PPP2R5E: variants seen among roughly 807,000 people sequenced by gnomAD.
PPP2R5E encodes serine/threonine-protein phosphatase 2A 56 kDa regulatory subunit epsilon isoform.
Under a neutral mutation model 65.3 loss-of-function variants are expected in PPP2R5E, and 4 were observed. That is an observed-to-expected ratio of 0.06 (90% CI 0.03 to 0.14). The LOEUF (loss-of-function observed/expected upper bound fraction) is 0.14. Among genes scored for constraint, PPP2R5E ranks in the 10% least tolerant of loss-of-function variants. PPP2R5E has a pLI of 1.00. For synonymous variants in PPP2R5E, 183 were observed against 187.4 expected (o/e 0.98, Z 0.19); for missense variants, 274 against 556.1 (o/e 0.49, Z 5.10).
chr14:63,538,813 C>T (rs1421570256), intron 2 of PPP2R5E, among the ~76,000 whole-genome samples: 3 of 151,570 alleles, frequency 2.0e-5, no homozygotes, highest in African/African-American at 7.3e-5. Flanking sequence ...GGCATGGTGG[C>T]GGGCACCTGT....
Position 63,530,336 on chromosome 14 carries a change from G to A in PPP2R5E, c.157+9193C>T, listed in dbSNP as rs545988952. Among the ~76,000 whole-genome samples, 302 of 145,632 alleles carry A rather than the reference G, an allele frequency of 2.1e-3. 1 individual carries two copies. The highest frequency in any genetic ancestry group is 2.8e-3 in the Non-Finnish European group (190 of 67,092). ...CAACCTCTGCCTCCCGGATTCAAGC[G>A]ATTCTCCTGCCTCAGCCTCCCGAGT... On this transcript the variant is annotated intron_variant, in intron 2 of 13. Transcript: ENST00000337537.
At chr14:63,522,539 G>A (rs1426529465) in intron 2 of PPP2R5E, among the ~76,000 whole-genome samples, 2 of 150,990 alleles carry the variant, frequency 1.3e-5, no homozygotes, top group Non-Finnish European at 3.0e-5. Context: ...AGGAAGTGAG[G>A]AGCGTCTCTG....
At chr14:63,453,938 G>C (rs1888988779) in intron 2 of PPP2R5E, 53 bp from the exon 3 acceptor site, 2 of 1,316,932 alleles carry the variant, frequency 1.5e-6, no homozygotes, top group Non-Finnish European at 1.0e-6. Flanking sequence ...CCAGGTAACA[G>C]GAATTCTCTG....
At chr14:63,534,714 G>A (rs945701612) in intron 2 of PPP2R5E, among the ~76,000 whole-genome samples, 1 of 152,108 alleles carries the variant, frequency 6.6e-6, no homozygotes, top group Admixed American at 6.6e-5. Flanking sequence ...CAGCCTCCTG[G>A]GCTCGGGCAA....
chr14:63,441,954 T>TA (rs1197713885), intron 3 of PPP2R5E, among the ~76,000 whole-genome samples: 7 of 151,398 alleles, frequency 4.6e-5, no homozygotes, highest in Non-Finnish European at 8.8e-5. Flanking sequence ...ATTTTGCAGT[T>TA]AACCTAAGAG....
At chr14:63,517,092 A>G (rs1462810059) in intron 2 of PPP2R5E, among the ~76,000 whole-genome samples, 1 of 152,228 alleles carries the variant, frequency 6.6e-6, no homozygotes, top group East Asian at 1.9e-4. Context: ...GAGGCAGAGA[A>G]CTGGTCAACT....
At chr14:63,453,487 G>A (rs375669394) in intron 3 of PPP2R5E, 14 of 425,206 alleles carry the variant, frequency 3.3e-5, no homozygotes, top group Non-Finnish European at 4.2e-5. Context: ...CAGCACTGTC[G>A]TAGTTAAAGT....
chr14:63,515,390 A>G (rs897017658), intron 2 of PPP2R5E, among the ~76,000 whole-genome samples: 2 of 152,254 alleles, frequency 1.3e-5, no homozygotes, highest in South Asian at 2.1e-4. Flanking sequence ...ATAACTTGGA[A>G]AACAATTCTG....
chr14:63,506,163 A>C (rs1892162919), intron 2 of PPP2R5E, among the ~76,000 whole-genome samples: 1 of 151,986 alleles, frequency 6.6e-6, no homozygotes, highest in African/African-American at 2.4e-5. Flanking sequence ...TAATAACAAA[A>C]AGATTGGCCG....
Position 63,375,318 on chromosome 14 carries a change from C to T in PPP2R5E, c.*691G>A, listed in dbSNP as rs998697574. ...TTCACCATAAACTGATGCATGAATC[C>T]GATATTCCCTTCCCTACTATGTTTA... On this transcript the variant is annotated 3_prime_UTR_variant, in exon 14 of 14. Coordinates refer to ENST00000337537, the MANE Select transcript of PPP2R5E (RefSeq NM_006246.5). The T allele has an allele frequency of 2.6e-5, 4 of 152,650 alleles. No individual in the cohort carries two copies. Among genetic ancestry groups the T allele is most frequent in the Non-Finnish European group, 5.9e-5 (4 of 67,982 alleles). 9.5% of individuals were successfully genotyped at this position (152,650 alleles called of 1,614,324 possible).
intron 4 of PPP2R5E, among the ~76,000 whole-genome samples, chr14:63,418,268 T>C (rs1425967827): frequency 2.0e-5 from 3 of 152,214 alleles, no homozygotes; most frequent in Non-Finnish European, 2.9e-5. Context: ...CCTCTTTCGA[T>C]TGCCACAAAG....
intron 2 of PPP2R5E, among the ~76,000 whole-genome samples, chr14:63,495,988 G>C (rs1891543991): frequency 6.6e-6 from 1 of 152,150 alleles, no homozygotes; most frequent in Non-Finnish European, 1.5e-5. Flanking sequence ...ACCATGCCCA[G>C]CCAAGCATAT....
chr14:63,401,663 TA>T (rs2139819061), intron 5 of PPP2R5E, among the ~76,000 whole-genome samples: 1 of 152,240 alleles, frequency 6.6e-6, no homozygotes, highest in Non-Finnish European at 1.5e-5. Flanking sequence ...GAATCCTCCC[TA>T]AAATGACAGT....
intron 4 of PPP2R5E, among the ~76,000 whole-genome samples, chr14:63,417,944 A>G (rs983962184): frequency 3.3e-5 from 5 of 152,220 alleles, no homozygotes; most frequent in African/African-American, 1.2e-4. Context: ...CTAAGGGTCC[A>G]CAGATACCAC....
chr14:63,431,645 G>C (rs1446459240), intron 3 of PPP2R5E, among the ~76,000 whole-genome samples: 1 of 149,438 alleles, frequency 6.7e-6, no homozygotes, highest in Non-Finnish European at 1.5e-5. Flanking sequence ...TGCGGACAAA[G>C]CTCTATACTT....
At chr14:63,527,332 A>C (rs1314914148) in intron 2 of PPP2R5E, among the ~76,000 whole-genome samples, 1 of 152,258 alleles carries the variant, frequency 6.6e-6, no homozygotes, top group Non-Finnish European at 1.5e-5. Context: ...AGATTGTTCC[A>C]TAAGAACTAG....
chr14:63,374,363 A>G lies in PPP2R5E; in HGVS notation c.*1646T>C, dbSNP rs573111585. 34 of 151,978 alleles carry G rather than the reference A, an allele frequency of 2.2e-4. No individual in the cohort carries two copies. The highest frequency in any genetic ancestry group is 8.2e-4 in the African/African-American group (34 of 41,498). 9.4% of individuals were successfully genotyped at this position (151,978 alleles called of 1,614,324 possible). ...AAGAGCAACAATAGTTCATATGTTC[A>G]TGTTTGCTACTATCACAATTCAACA... On this transcript the variant is annotated 3_prime_UTR_variant, in exon 14 of 14. Coordinates refer to ENST00000337537, the MANE Select transcript of PPP2R5E (RefSeq NM_006246.5).
At chr14:63,486,412 A>C (rs1183886168) in intron 2 of PPP2R5E, among the ~76,000 whole-genome samples, 8 of 152,082 alleles carry the variant, frequency 5.3e-5, no homozygotes, top group African/African-American at 1.9e-4. Flanking sequence ...AGGTTCCCTA[A>C]CAAATCCCAA....
At chr14:63,473,549 T>C (rs1890238393) in intron 2 of PPP2R5E, among the ~76,000 whole-genome samples, 1 of 152,152 alleles carries the variant, frequency 6.6e-6, no homozygotes, top group African/African-American at 2.4e-5. Flanking sequence ...GTACTAAAGA[T>C]ATACAAGAGT....
Sources: gnomAD v4.1 joint callset for allele counts (sites outside exome capture counted in the v4.1 genomes callset) on GRCh38, gnomAD v4.1.1 for gene constraint, MANE v1.5 for transcripts, NCBI Gene and HGNC (gene_info 2026-07-23, HGNC 2026-07-21) for gene names.